RAD54L: variants seen among roughly 807,000 people sequenced by gnomAD.
RAD54L encodes the protein DNA repair and recombination protein RAD54-like.
A neutral mutation model predicts 91.6 loss-of-function variants in RAD54L; 74 were observed. The observed-to-expected ratio is 0.81, with a 90% CI of 0.67 to 0.98. The LOEUF (loss-of-function observed/expected upper bound fraction) is 0.98, where lower values mean the gene tolerates loss of function less well. Ranked by LOEUF, RAD54L falls within the 50% of genes least tolerant of loss-of-function variation. RAD54L has a pLI of 0.00. For synonymous variants in RAD54L, 304 were observed against 349.7 expected (o/e 0.87, Z 1.46); for missense variants, 887 against 945.7 (o/e 0.94, Z 0.81).
rs1455605453 is a variant in RAD54L, at chr1:46,269,690, G to A, written c.1043-969G>A. Among the ~76,000 whole-genome samples the A allele has an allele frequency of 8.5e-5, 13 of 152,190 alleles. No homozygotes were observed. In the East Asian group the frequency reaches 2.3e-3, roughly 27 times the overall value. The stretch of plus-strand genomic sequence containing the variant: ...CATACCCACCAAAAAACTCTAACTG[G>A]ATTTTAATTGGGCTGTATTGAAACA... On this transcript the variant is annotated intron_variant, in intron 9 of 17. Transcript: ENST00000371975.
chr1:46,273,661 C>T lies in RAD54L; in HGVS notation c.1524C>T (p.Thr508=). The change falls in exon 14 of 18, where the codon ACC becomes ACT. Residue 508 remains threonine (T), a synonymous_variant. Transcript: ENST00000371975. The part of the protein sequence containing the change: ...MLVLDYILAV[T]RSRSSDKVVL... ...TCCTGGATTATATTCTGGCGGTGAC[C>T]CGAAGCCGTAGCAGTGACAAAGTAG... The T allele has an allele frequency of 6.2e-7, 1 of 1,613,922 alleles. No individual in the cohort carries two copies. Among genetic ancestry groups the T allele is most frequent in the Non-Finnish European group, 8.5e-7 (1 of 1,180,024 alleles).
chr1:46,274,014 T>A (rs1025896771), intron 14 of RAD54L, 124 bp from the exon 15 acceptor site: 44 of 1,068,246 alleles, frequency 4.1e-5, no homozygotes, highest in Admixed American at 8.3e-5. Context: ...GTTATTTCAG[T>A]CCCTTCAGTG....
chr1:46,276,206 T>C (rs542213875), intron 16 of RAD54L, among the ~76,000 whole-genome samples: 6 of 152,262 alleles, frequency 3.9e-5, no homozygotes, highest in African/African-American at 1.4e-4. Context: ...TTGAGACACT[T>C]TCTTTCTGTT....
chr1:46,260,079 T>C lies in RAD54L; in HGVS notation c.387T>C (p.His129=). Residue 129 remains histidine (H), a synonymous_variant, in exon 5 of 18, where the codon CAT becomes CAC. Coordinates refer to ENST00000371975, the MANE Select transcript of RAD54L (RefSeq NM_003579.4). ...VLYEPPPLSA[H]DQLKLDKEKL... The stretch of plus-strand genomic sequence containing the variant: ...ATGAGCCTCCCCCGCTGAGCGCTCA[T>C]GACCAGCTGAAGCTTGACAAGTATG... 1 of 1,614,218 alleles carries C rather than the reference T, an allele frequency of 6.2e-7. No individual in the cohort carries two copies. Among genetic ancestry groups the C allele is most frequent in the Non-Finnish European group, 8.5e-7 (1 of 1,180,048 alleles).
At chr1:46,260,500 C>T in intron 5 of RAD54L, 42 bp from the exon 6 acceptor site, 7 of 1,589,234 alleles carry the variant, frequency 4.4e-6, no homozygotes, top group Non-Finnish European at 6.0e-6. Flanking sequence ...TGCTCCCTTG[C>T]CCATGTCTGA....
chr1:46,276,804 G>A (rs1411958034), intron 16 of RAD54L, among the ~76,000 whole-genome samples: 1 of 152,118 alleles, frequency 6.6e-6, no homozygotes. Flanking sequence ...TCCAAGGTTT[G>A]TTTTTTGTTT....
Position 46,248,538 on chromosome 1 carries a change from G to A in RAD54L, c.30G>A (p.Leu10=), listed in dbSNP as rs1328705551. 6.8e-6 allele frequency: 11 copies of A among 1,614,152 alleles called. No homozygotes were observed. The highest frequency in any genetic ancestry group is 9.3e-6 in the Non-Finnish European group (11 of 1,180,042). Residue 10 remains leucine (L), a synonymous_variant, in exon 2 of 18, where the codon CTG becomes CTA. Coordinates refer to ENST00000371975, the MANE Select transcript of RAD54L (RefSeq NM_003579.4). The part of the protein sequence containing the change: MRRSLAPSQ[L]AKRKPEGRSC... ...GGAGGAGCTTGGCTCCCAGCCAGCT[G>A]GCCAAGAGAAAACCTGAAGGCAGGT... is the stretch of plus-strand genomic sequence containing the variant.
chr1:46,248,158 T>C lies in RAD54L; in HGVS notation c.-248T>C, dbSNP rs1659698784. On this transcript the variant is annotated 5_prime_UTR_variant, in exon 1 of 18. Coordinates refer to ENST00000371975, the MANE Select transcript of RAD54L (RefSeq NM_003579.4). ...TCCCCAATCCCACACTAATCTCTGC[T>C]TGGTCTCTTCCTCTTTGGCCTAATC... is the stretch of plus-strand genomic sequence containing the variant. The C allele has an allele frequency of 1.6e-6, 1 of 614,380 alleles. No individual in the cohort carries two copies. Among genetic ancestry groups the C allele is most frequent in the Non-Finnish European group, 2.9e-6 (1 of 339,010 alleles). 38.1% of individuals were successfully genotyped at this position (614,380 alleles called of 1,614,324 possible).
chr1:46,275,361 TCTA>T (rs932830599), intron 16 of RAD54L, among the ~76,000 whole-genome samples: 6 of 152,210 alleles, frequency 3.9e-5, no homozygotes, highest in Non-Finnish European at 2.9e-5. Context: ...TAACTGTCAT[TCTA>T]CTTTCACTTC....
In RAD54L at chr1:46,250,135, A is replaced by G; in HGVS notation, c.210+16A>G. On this transcript the variant is annotated intron_variant, in intron 3 of 17. Coordinates refer to ENST00000371975, the MANE Select transcript of RAD54L (RefSeq NM_003579.4). ...CAGTCAGCATGTAAGCCAGAACTGC[A>G]ACCTGCATGTGTATGTCTGTGCCCA... 1 of 1,614,050 alleles carries G rather than the reference A, an allele frequency of 6.2e-7. No homozygotes were observed. The highest frequency in any genetic ancestry group is 1.1e-5 in the South Asian group (1 of 91,074).
chr1:46,259,481 A>G (rs1660035877), intron 4 of RAD54L, among the ~76,000 whole-genome samples: 1 of 152,100 alleles, frequency 6.6e-6, no homozygotes, highest in African/African-American at 2.4e-5. Flanking sequence ...CAAAGCAGAA[A>G]AATTCTGGGG....
chr1:46,260,515 G>T (rs776626477), intron 5 of RAD54L, 27 bp from the exon 6 acceptor site: 8 of 1,607,470 alleles, frequency 5.0e-6, no homozygotes, highest in Non-Finnish European at 6.8e-6. Flanking sequence ...GTCTGAGCAC[G>T]CTGTTTTCTT....
chr1:46,267,316 G>A lies in RAD54L; in HGVS notation c.892-143G>A, dbSNP rs975585626. On this transcript the variant is annotated intron_variant, in intron 8 of 17. Coordinates refer to ENST00000371975, the MANE Select transcript of RAD54L (RefSeq NM_003579.4). ...TGGGCTCAAGTGATCCACCTGTCTC[G>A]GCCTCCCAAAGTGCTGGGATTACAG... 79 of 1,022,158 alleles carry A rather than the reference G, an allele frequency of 7.7e-5. 2 individuals are homozygous for A. The highest frequency in any genetic ancestry group is 5.3e-4 in the African/African-American group (33 of 62,846). The allele number at this position is 1,022,158 out of a possible 1,614,324, so 63.3% of individuals were successfully genotyped here. A position where few individuals can be genotyped will look rare whatever the true frequency, so the allele number is the denominator to read the frequency against.
chr1:46,253,256 A>C (rs1003019457), intron 3 of RAD54L, among the ~76,000 whole-genome samples: 1 of 152,262 alleles, frequency 6.6e-6, no homozygotes, highest in Non-Finnish European at 1.5e-5. Context: ...TGAAGTGCTG[A>C]AACTTGTTCA....
chr1:46,249,460 C>T (rs1659740557), intron 2 of RAD54L, among the ~76,000 whole-genome samples: 1 of 152,174 alleles, frequency 6.6e-6, no homozygotes, highest in Non-Finnish European at 1.5e-5. Context: ...TGACCCTTGC[C>T]ATGTACATGG....
chr1:46,260,682 C>G (rs763953557), intron 6 of RAD54L, 45 bp from the exon 7 acceptor site: 1 of 1,613,962 alleles, frequency 6.2e-7, no homozygotes, highest in Non-Finnish European at 8.5e-7. Flanking sequence ...CCTGGGACAG[C>G]AGCAGCGTAG....
chr1:46,260,789 C>T lies in RAD54L; in HGVS notation c.540C>T (p.Ile180=). The part of the protein sequence containing the change: ...SRRIPGSHGC[I]MADEMGLGKT... ...GCATCCCTGGCAGCCATGGCTGCAT[C>T]ATGGCTGATGAGATGGGCCTAGGAA... Residue 180 remains isoleucine (I), a synonymous_variant, in exon 7 of 18, where the codon ATC becomes ATT. Coordinates refer to ENST00000371975, the MANE Select transcript of RAD54L (RefSeq NM_003579.4). 5 of 1,614,204 alleles carry T rather than the reference C, an allele frequency of 3.1e-6. No individual in the cohort carries two copies. The highest frequency in any genetic ancestry group is 4.2e-6 in the Non-Finnish European group (5 of 1,180,036).
chr1:46,278,206 C>T lies in RAD54L; in HGVS notation c.2168C>T (p.Ala723Val), dbSNP rs2148309139. ...CTCCGGGATGAGGTACTCCAGGCTG[C>T]CTGGGATGCTGCCTCCACTGCCATC... is the stretch of plus-strand genomic sequence containing the variant. ...WGLRDEVLQAAWDAASTAITF... is the reference protein window; with the variant it reads ...WGLRDEVLQAVWDAASTAITF... The change falls in exon 18 of 18, where the codon GCC becomes GTC. Residue 723 changes from alanine to valine, a missense_variant. Transcript: ENST00000371975. The T allele has an allele frequency of 6.2e-7, 1 of 1,613,968 alleles. No individual in the cohort carries two copies. The highest frequency in any genetic ancestry group is 8.5e-7 in the Non-Finnish European group (1 of 1,179,980).
At position 46,267,520 on chromosome 1, in the gene RAD54L, G is replaced by T. The variant is rs1324494132; in HGVS notation, c.953G>T (p.Ser318Ile). ...TYQALDSLNTSRRVLISGTPI... is the reference protein window; with the variant it reads ...TYQALDSLNTIRRVLISGTPI... ...CAAGCCCTGGACAGCTTGAACACCA[G>T]CCGGCGGGTGCTCATCTCCGGAACT... The change falls in exon 9 of 18, where the codon AGC becomes ATC. Residue 318 changes from serine (S) to isoleucine (I), a missense_variant. Physicochemically the swap from Ser to Ile is moderately radical, Grantham distance 142. Transcript: ENST00000371975. 4 of 1,614,010 alleles carry T rather than the reference G, an allele frequency of 2.5e-6. No individual in the cohort carries two copies. The highest frequency in any genetic ancestry group is 2.7e-5 in the African/African-American group (2 of 74,906).
Sources: allele counts gnomAD v4.1 joint callset (sites outside exome capture counted in the v4.1 genomes callset), GRCh38; gene constraint gnomAD v4.1.1; transcripts MANE v1.5; gene names NCBI Gene and HGNC (gene_info 2026-07-23, HGNC 2026-07-21).